RRP1B: variants seen among roughly 807,000 people sequenced by gnomAD.
The protein encoded by RRP1B is ribosomal RNA processing 1B.
In RRP1B, 56 loss-of-function variants were observed where a neutral mutation model predicts 80.2. The ratio of observed to expected loss-of-function variants is 0.70; its 90% CI spans 0.56 to 0.87. The LOEUF (loss-of-function observed/expected upper bound fraction) is 0.87, where lower values mean the gene tolerates loss of function less well. RRP1B is among the 40% of genes least tolerant of loss of function. The pLI, the probability that RRP1B is intolerant of heterozygous loss-of-function variation, is 0.00. For synonymous variants in RRP1B, 351 were observed against 357.6 expected (o/e 0.98, Z 0.21); for missense variants, 807 against 939.8 (o/e 0.86, Z 1.85).
At position 43,693,120 on chromosome 21, in the gene RRP1B, GCTGT is replaced by G; in HGVS notation, c.2084-67_2084-64del. 4.6e-6 allele frequency: 7 copies of G among 1,531,418 alleles called. No individual in the cohort carries two copies. Among genetic ancestry groups the G allele is most frequent in the Non-Finnish European group, 6.3e-6 (7 of 1,117,058 alleles). The allele number at this position is 1,531,418 out of a possible 1,614,324, so 94.9% of individuals were successfully genotyped here. A position where few individuals can be genotyped will look rare whatever the true frequency, so the allele number is the denominator to read the frequency against. ...GGTGGGGTCGGCACCCAGGCAGGAC[GCTGT>G]CTAAGGTGTTGAAGGGACAGCTGTC... On this transcript the variant is annotated intron_variant, in intron 15 of 15. Coordinates refer to ENST00000340648, the MANE Select transcript of RRP1B (RefSeq NM_015056.3). This position sits in a 1 kb window ranked among gnomAD's most constrained non-coding sequence, Gnocchi z 4.1.
At chr21:43,687,013 G>A (rs1465977583) in intron 12 of RRP1B, 78 bp downstream of exon 12, 3 of 1,484,558 alleles carry the variant, frequency 2.0e-6, no homozygotes, top group Non-Finnish European at 2.8e-6. Context: ...TCGGAGACTT[G>A]AGCTCGTGCC....
chr21:43,676,134 G>C, intron 6 of RRP1B, 138 bp from the exon 7 acceptor site: 4 of 619,238 alleles, frequency 6.5e-6, no homozygotes, highest in Non-Finnish European at 1.1e-5. Context: ...CATTCCACAG[G>C]GGCGCTTTGG....
At chr21:43,692,745 AGTGT>A (rs1212138381) in intron 15 of RRP1B, among the ~76,000 whole-genome samples, 1 of 151,730 alleles carries the variant, frequency 6.6e-6, no homozygotes, top group Admixed American at 6.5e-5. Context: ...CACATGCGTG[AGTGT>A]GTATGTTTAG....
At chr21:43,673,986 C>A in intron 4 of RRP1B, 31 bp downstream of exon 4, 1 of 1,490,556 alleles carries the variant, frequency 6.7e-7, no homozygotes, top group Non-Finnish European at 9.3e-7. Context: ...TTCAAAAACT[C>A]CTGGGAAGAA....
chr21:43,661,570 T>C (rs1010617662), intron 1 of RRP1B, among the ~76,000 whole-genome samples: 1 of 152,198 alleles, frequency 6.6e-6, no homozygotes, highest in Non-Finnish European at 1.5e-5. Flanking sequence ...GTGGGCTCTT[T>C]GTATCTCACC....
chr21:43,686,732 G>A, intron 11 of RRP1B, 72 bp from the exon 12 acceptor site: 1 of 1,571,008 alleles, frequency 6.4e-7, no homozygotes, highest in Non-Finnish European at 8.7e-7. Flanking sequence ...TGGGAGGGGT[G>A]CTGCTCTTAG....
chr21:43,685,985 G>A (rs185398421), intron 11 of RRP1B, 196 bp downstream of exon 11: 286 of 472,852 alleles, frequency 6.0e-4, no homozygotes, highest in African/African-American at 3.9e-3. Context: ...GCCAGGCGTG[G>A]TGGCGTGATC....
rs747460153 is a variant in RRP1B, at chr21:43,672,295, C to T, written c.214-13C>T. The T allele has an allele frequency of 6.2e-7, 1 of 1,613,760 alleles. No homozygotes were observed. Among genetic ancestry groups the T allele is most frequent in the African/African-American group, 1.3e-5 (1 of 74,938 alleles). On this transcript the variant is annotated splice_polypyrimidine_tract_variant and intron_variant, in intron 2 of 15. Transcript: ENST00000340648. ...GATAACCCCCATGTTTCTCCCCAACCCCGCCTCTGCAGGAAGAGCTCGCCA... is the reference window on the plus strand; with the variant it reads ...GATAACCCCCATGTTTCTCCCCAACTCCGCCTCTGCAGGAAGAGCTCGCCA...
intron 1 of RRP1B, among the ~76,000 whole-genome samples, chr21:43,664,640 T>C (rs1324599049): frequency 6.6e-6 from 1 of 152,224 alleles, no homozygotes; most frequent in Non-Finnish European, 1.5e-5. Flanking sequence ...TCAGAGTATC[T>C]TTTCTCATTG....
At chr21:43,669,101 T>A (rs908783220) in intron 1 of RRP1B, among the ~76,000 whole-genome samples, 15 of 151,226 alleles carry the variant, frequency 9.9e-5, no homozygotes. Flanking sequence ...GGGAGGGTGA[T>A]TGACAAAGCC....
chr21:43,672,779 G>A (rs2083005071), intron 3 of RRP1B, among the ~76,000 whole-genome samples: 1 of 152,156 alleles, frequency 6.6e-6, no homozygotes, highest in South Asian at 2.1e-4. Context: ...AAAAAAATTA[G>A]TTAGGGTGCT....
Position 43,687,852 on chromosome 21 carries a change from C to A in RRP1B, c.1478C>A (p.Pro493His). The change falls in exon 13 of 16, where the codon CCC (proline) becomes CAC (histidine). Residue 493 changes from proline (P) to histidine (H), a missense_variant. Coordinates refer to ENST00000340648, the MANE Select transcript of RRP1B (RefSeq NM_015056.3). Reference protein sequence around the residue: ...HREMLESAVLPPEDMSQSGPS... With the variant: ...HREMLESAVLHPEDMSQSGPS... ...GAAATGTTGGAATCAGCAGTGTTGCCCCCAGAGGACATGTCTCAGAGTGGC... is the reference window on the plus strand; with the variant it reads ...GAAATGTTGGAATCAGCAGTGTTGCACCCAGAGGACATGTCTCAGAGTGGC... The A allele has an allele frequency of 6.2e-7, 1 of 1,613,308 alleles. No homozygotes were observed. Among genetic ancestry groups the A allele is most frequent in the Non-Finnish European group, 8.5e-7 (1 of 1,180,044 alleles).
At chr21:43,670,440 C>T (rs541995552) in intron 2 of RRP1B, among the ~76,000 whole-genome samples, 31 of 152,376 alleles carry the variant, frequency 2.0e-4, no homozygotes, top group Admixed American at 2.6e-4. Flanking sequence ...CACCCAAACG[C>T]GCAGCAGGCT....
rs1187184540 is a variant in RRP1B at position 43,659,584 on chromosome 21, C to G, written c.-81C>G. 4.0e-6 allele frequency: 5 copies of G among 1,263,754 alleles called. No homozygotes were observed. The South Asian group carries it at 1.1e-4, about 28-fold the overall frequency. 78.3% of individuals were successfully genotyped at this position (1,263,754 alleles called of 1,614,324 possible). ...TCTGTGCAGTCGCGGCCCGGGCGGA[C>G]GGTGGCTGGCTGCTCCGCAGCGCTC... On this transcript the variant is annotated 5_prime_UTR_variant, in exon 1 of 16. Coordinates refer to ENST00000340648, the MANE Select transcript of RRP1B (RefSeq NM_015056.3). This position sits in a 1 kb window ranked among gnomAD's most constrained non-coding sequence, Gnocchi z 4.2.
chr21:43,694,887 T>C lies in RRP1B; in HGVS notation c.*1504T>C, dbSNP rs191587677. 6.6e-6 allele frequency: 1 copy of C among 152,356 alleles called. No individual in the cohort carries two copies. The highest frequency in any genetic ancestry group is 1.9e-4 in the East Asian group (1 of 5,178). The allele number at this position is 152,356 out of a possible 1,614,324, so 9.4% of individuals were successfully genotyped here. A position where few individuals can be genotyped will look rare whatever the true frequency, so the allele number is the denominator to read the frequency against. ...ATGGAGCCAAGGGTGGGGTTTCACC[T>C]GCGAACATCAGACTGACTTGCTGGC... On this transcript the variant is annotated 3_prime_UTR_variant, in exon 16 of 16. Transcript: ENST00000340648.
intron 3 of RRP1B, 36 bp from the exon 4 acceptor site, chr21:43,673,834 G>A: frequency 7.0e-7 from 1 of 1,435,836 alleles, no homozygotes; most frequent in Non-Finnish European, 9.8e-7. Flanking sequence ...ATGTTGATGT[G>A]GAAGCCAAGT....
chr21:43,679,198 G>A (rs1376722913), intron 8 of RRP1B, among the ~76,000 whole-genome samples: 1 of 148,110 alleles, frequency 6.8e-6, no homozygotes, highest in Non-Finnish European at 1.5e-5. Context: ...GATGTCTCCG[G>A]GTTTTTGAGG....
chr21:43,687,538 G>C lies in RRP1B; in HGVS notation c.1164G>C (p.Glu388Asp). The change falls in exon 13 of 16, where the codon GAG becomes GAC. Residue 388 changes from glutamate (E) to aspartate (D), a missense_variant. Glu to Asp is a conservative substitution (Grantham distance 45, BLOSUM62 2). Coordinates refer to ENST00000340648, the MANE Select transcript of RRP1B (RefSeq NM_015056.3). ...KEKGSRVFCV[E>D]EEDSESSLQK... ...TAGGAAGCAGAGTCTTTTGTGTAGA[G>C]GAAGAGGACAGTGAAAGCAGTCTTC... 1 of 1,494,430 alleles carries C rather than the reference G, an allele frequency of 6.7e-7. No individual in the cohort carries two copies. The highest frequency in any genetic ancestry group is 8.9e-7 in the Non-Finnish European group (1 of 1,129,608). 92.6% of individuals were successfully genotyped at this position (1,494,430 alleles called of 1,614,324 possible).
Position 43,690,373 on chromosome 21 carries a change from C to T in RRP1B, c.1952C>T (p.Pro651Leu), listed in dbSNP as rs1478821011. ...DFVKFDTPFL[P>L]KPLFFRRAKS... ...GTGAAGTTTGACACCCCCTTCTTAC[C>T]AAAGCCCCTGTTCTTCAGAAGAGCC... Residue 651 changes from proline (P) to leucine (L), a missense_variant, in exon 14 of 16, where the codon CCA (proline) becomes CTA (leucine). Coordinates refer to ENST00000340648, the MANE Select transcript of RRP1B (RefSeq NM_015056.3). The T allele has an allele frequency of 6.2e-7, 1 of 1,614,206 alleles. No individual in the cohort carries two copies. Among genetic ancestry groups the T allele is most frequent in the Admixed American group, 1.7e-5 (1 of 60,026 alleles).
Sources: allele counts gnomAD v4.1 joint callset (sites outside exome capture counted in the v4.1 genomes callset), GRCh38; gene constraint gnomAD v4.1.1; non-coding constraint Gnocchi (gnomAD v3.1); transcripts MANE v1.5; gene names NCBI Gene and HGNC (gene_info 2026-07-23, HGNC 2026-07-21).